The following STPG4 variants were observed in gnomAD, a reference collection of about 807,000 sequenced individuals.
STPG4 encodes protein STPG4.
Under a neutral mutation model 31.5 loss-of-function variants are expected in STPG4, and 41 were observed. The observed-to-expected ratio is 1.30, with a 90% CI of 1.01 to 1.69. The LOEUF (loss-of-function observed/expected upper bound fraction) is 1.69. STPG4 is among the 40% of genes most tolerant of loss of function. STPG4 has a pLI of 0.00. For synonymous variants in STPG4, 141 were observed against 103.0 expected (o/e 1.37, Z -2.24); for missense variants, 375 against 293.4 (o/e 1.28, Z -2.03).
At chr2:47,104,688 T>C (rs184399796) in intron 5 of STPG4, among the ~76,000 whole-genome samples, 2 of 152,042 alleles carry the variant, frequency 1.3e-5, no homozygotes, top group Admixed American at 1.3e-4. Context: ...ACTTCTCAAG[T>C]CCAGGCACTC....
At chr2:47,111,313 A>G (rs1452639544) in intron 5 of STPG4, among the ~76,000 whole-genome samples, 1 of 152,190 alleles carries the variant, frequency 6.6e-6, no homozygotes, top group Non-Finnish European at 1.5e-5. Context: ...TAGCCCATAT[A>G]TGTTCAAAGA....
intron 3 of STPG4, among the ~76,000 whole-genome samples, chr2:47,145,941 AACATGAC>A (rs1205863787): frequency 6.6e-6 from 1 of 152,232 alleles, no homozygotes; most frequent in Non-Finnish European, 1.5e-5. Context: ...GCTCATTGAG[AACATGAC>A]ACTTGAACAA....
At chr2:47,133,654 C>T (rs1473162445) in intron 3 of STPG4, among the ~76,000 whole-genome samples, 3 of 141,696 alleles carry the variant, frequency 2.1e-5, no homozygotes, top group Non-Finnish European at 3.0e-5. Context: ...CTCGGCTCAC[C>T]ACAACCTCTG....
chr2:47,142,404 G>A (rs1447457271), intron 3 of STPG4, among the ~76,000 whole-genome samples: 1 of 152,054 alleles, frequency 6.6e-6, no homozygotes, highest in African/African-American at 2.4e-5. Context: ...AATTTCATTT[G>A]CTTAACTGTG....
intron 5 of STPG4, among the ~76,000 whole-genome samples, chr2:47,117,800 A>G (rs1419141207): frequency 2.0e-5 from 3 of 152,232 alleles, no homozygotes; most frequent in Admixed American, 6.5e-5. Flanking sequence ...TCTGGAACAG[A>G]TGAAAGAACT....
chr2:47,107,870 G>C (rs910319028), intron 5 of STPG4, among the ~76,000 whole-genome samples: 2 of 152,152 alleles, frequency 1.3e-5, no homozygotes, highest in Non-Finnish European at 2.9e-5. Flanking sequence ...CTCAGGGTTT[G>C]TGAATGCATC....
intron 5 of STPG4, among the ~76,000 whole-genome samples, chr2:47,093,774 G>A (rs538866646): frequency 1.3e-5 from 2 of 152,342 alleles, no homozygotes; most frequent in East Asian, 3.9e-4. Context: ...TATTCCACAT[G>A]TGGCAGATGG....
chr2:47,112,693 A>G (rs1686066346), intron 5 of STPG4, among the ~76,000 whole-genome samples: 1 of 152,238 alleles, frequency 6.6e-6, no homozygotes, highest in Non-Finnish European at 1.5e-5. Flanking sequence ...ATATATCAAC[A>G]TTGAGGCAGC....
In STPG4 at chr2:47,087,023, ATTG is replaced by A. The variant is rs754325334; in HGVS notation, c.729_731del (p.Asn244del). 4.2e-5 allele frequency: 65 copies of A among 1,551,552 alleles called. 1 individual carries two copies. The East Asian group carries it at 9.5e-4, about 23-fold the overall frequency. The stretch of plus-strand genomic sequence containing the variant: ...CAAGATCACTTTATTTTAAAAGCCA[ATTG>A]TTGTTGTTGAAGAAAAGGCTATGCT... On this transcript the variant is annotated inframe_deletion, in exon 7 of 7. Transcript: ENST00000445927.
rs911812967 is a variant in STPG4, at chr2:47,106,059, AAG to A, written c.520-15687_520-15686del. Among the ~76,000 whole-genome samples, 105 of 152,000 alleles carry A rather than the reference AAG, an allele frequency of 6.9e-4. 1 individual carries two copies. Among genetic ancestry groups the A allele is most frequent in the African/African-American group, 2.4e-3 (101 of 41,346 alleles). On this transcript the variant is annotated intron_variant, in intron 5 of 6. Coordinates refer to ENST00000445927, the MANE Select transcript of STPG4 (RefSeq NM_001163561.2). ...AGCAAGAAGGAAAGAGAGAAAAAGAAAGAGAAAGAAAGAGAGGAAGAACCAAA... is the reference window on the plus strand; with the variant it reads ...AGCAAGAAGGAAAGAGAGAAAAAGAAAGAAAGAAAGAGAGGAAGAACCAAA...
intron 5 of STPG4, among the ~76,000 whole-genome samples, chr2:47,112,610 G>C (rs1477920593): frequency 1.3e-5 from 2 of 152,138 alleles, no homozygotes; most frequent in South Asian, 2.1e-4. Flanking sequence ...GAAGAGACTA[G>C]GTGAATGTCT....
chr2:47,093,521 A>G (rs1397399016), intron 5 of STPG4, among the ~76,000 whole-genome samples: 1 of 152,192 alleles, frequency 6.6e-6, no homozygotes, highest in Non-Finnish European at 1.5e-5. Context: ...TGAGTGTGCG[A>G]CCATTGATTC....
chr2:47,153,652 T>C (rs1470233896), intron 1 of STPG4, among the ~76,000 whole-genome samples: 2 of 152,140 alleles, frequency 1.3e-5, no homozygotes, highest in Non-Finnish European at 2.9e-5. Context: ...CTCAGAAGGC[T>C]GTAATCCCTA....
intron 3 of STPG4, among the ~76,000 whole-genome samples, chr2:47,135,299 T>C (rs1022769633): frequency 3.9e-5 from 6 of 152,184 alleles, no homozygotes; most frequent in African/African-American, 1.4e-4. Context: ...AGAAGTTGTA[T>C]AGTCTTGCTT....
At chr2:47,127,614 G>A (rs1160935203) in intron 5 of STPG4, among the ~76,000 whole-genome samples, 1 of 152,092 alleles carries the variant, frequency 6.6e-6, no homozygotes, top group East Asian at 1.9e-4. Context: ...CTGCTATTGG[G>A]AGACTCTGAT....
At position 47,140,651 on chromosome 2, in the gene STPG4, T is replaced by G. The variant is rs185440894; in HGVS notation, c.400-10391A>C. On this transcript the variant is annotated intron_variant, in intron 3 of 6. Coordinates refer to ENST00000445927, the MANE Select transcript of STPG4 (RefSeq NM_001163561.2). ...TCTCTTACAAGTCTAAAATAATTGT[T>G]GATTTTTCAGTTTGTTTAGCTTTTA... Among the ~76,000 whole-genome samples, 3 of 152,324 alleles carry G rather than the reference T, an allele frequency of 2.0e-5. No homozygotes were observed. In the East Asian group the frequency reaches 5.8e-4, roughly 29 times the overall value.
At chr2:47,132,800 A>G (rs1573186058) in intron 3 of STPG4, among the ~76,000 whole-genome samples, 1 of 152,274 alleles carries the variant, frequency 6.6e-6, no homozygotes, top group East Asian at 1.9e-4. Flanking sequence ...ACAGATATAA[A>G]CAGGAGACAA....
intron 3 of STPG4, among the ~76,000 whole-genome samples, chr2:47,130,942 G>C (rs1573184285): frequency 6.6e-6 from 1 of 150,738 alleles, no homozygotes; most frequent in South Asian, 2.1e-4. Flanking sequence ...CACATCCCAA[G>C]TAGCTGAGAC....
rs748559645 is a variant in STPG4 at position 47,130,234 on chromosome 2, G to A, written c.426C>T (p.Tyr142=). Residue 142 remains tyrosine, a synonymous_variant, in exon 4 of 7, where the codon TAC becomes TAT. Coordinates refer to ENST00000445927, the MANE Select transcript of STPG4 (RefSeq NM_001163561.2). ...TGGGAACTGGTGCAGGAAGCACGTTGTATTGCCCCGGAGAAAGCTGAAGTG... is the reference window on the plus strand; with the variant it reads ...TGGGAACTGGTGCAGGAAGCACGTTATATTGCCCCGGAGAAAGCTGAAGTG... ...DQSLQLSPGQ[Y]NVLPAPVPKY... is the part of the protein sequence containing the mutation. The A allele has an allele frequency of 6.2e-7, 1 of 1,614,090 alleles. No individual in the cohort carries two copies.
Sources: gnomAD v4.1 joint callset for allele counts (sites outside exome capture counted in the v4.1 genomes callset) on GRCh38, gnomAD v4.1.1 for gene constraint, MANE v1.5 for transcripts, NCBI Gene and HGNC (gene_info 2026-07-23, HGNC 2026-07-21) for gene names.